FER: variants seen among roughly 807,000 people sequenced by gnomAD.
FER encodes the protein FER tyrosine kinase, also known as tyrosine-protein kinase Fer.
Under a neutral mutation model 111.0 loss-of-function variants are expected in FER, and 63 were observed. The ratio of observed to expected loss-of-function variants is 0.57; its 90% CI spans 0.46 to 0.70. FER has a LOEUF of 0.70. FER is among the 30% of genes least tolerant of loss of function. FER has a pLI of 0.00. For synonymous variants in FER, 327 were observed against 313.9 expected (o/e 1.04, Z -0.44); for missense variants, 914 against 954.0 (o/e 0.96, Z 0.55).
chr5:109,041,355 G>A (rs1771152305), intron 14 of FER, among the ~76,000 whole-genome samples: 1 of 152,022 alleles, frequency 6.6e-6, no homozygotes, highest in African/African-American at 2.4e-5. Context: ...GTGGAACACA[G>A]AAGGAGGAGA....
At chr5:109,173,951 A>G (rs2126814429) in intron 17 of FER, among the ~76,000 whole-genome samples, 1 of 152,236 alleles carries the variant, frequency 6.6e-6, no homozygotes, top group South Asian at 2.1e-4. Context: ...CTCACTCTAC[A>G]TCAGTTGATA....
At chr5:109,048,917 A>G (rs1220425873) in intron 16 of FER, among the ~76,000 whole-genome samples, 1 of 151,904 alleles carries the variant, frequency 6.6e-6, no homozygotes, top group Non-Finnish European at 1.5e-5. Context: ...TTTTTTGGTA[A>G]TGGCTACAGA....
chr5:108,901,813 T>C (rs1269928407), intron 10 of FER, among the ~76,000 whole-genome samples: 1 of 152,080 alleles, frequency 6.6e-6, no homozygotes, highest in East Asian at 1.9e-4. Flanking sequence ...TAGTCGGGTG[T>C]GGTGGCACAT....
intron 16 of FER, among the ~76,000 whole-genome samples, chr5:109,098,382 G>A (rs937363730): frequency 1.3e-5 from 2 of 151,590 alleles, no homozygotes; most frequent in African/African-American, 4.8e-5. Flanking sequence ...GTGCTAACTG[G>A]AAAAAAAGTA....
chr5:108,873,789 T>C (rs1168494973), intron 8 of FER, among the ~76,000 whole-genome samples: 2 of 152,144 alleles, frequency 1.3e-5, no homozygotes, highest in Non-Finnish European at 2.9e-5. Flanking sequence ...ACATTAGCCG[T>C]AGATGCTGCT....
chr5:108,966,816 C>T (rs915004907), intron 13 of FER, among the ~76,000 whole-genome samples: 2 of 152,096 alleles, frequency 1.3e-5, no homozygotes, highest in African/African-American at 4.8e-5. Context: ...TAATTCTCCC[C>T]TCCCCCATTT....
intron 3 of FER, among the ~76,000 whole-genome samples, chr5:108,819,179 C>CA (rs1554071399): frequency 1.6e-5 from 2 of 127,234 alleles, no homozygotes; most frequent in Non-Finnish European, 3.3e-5. Context: ...CCATGCTCAG[C>CA]TTTTTTTTTT....
intron 16 of FER, among the ~76,000 whole-genome samples, chr5:109,066,439 T>C (rs4957796): frequency 0.16 from 23,813 of 152,198 alleles, 2,051 homozygotes; most frequent in Non-Finnish European, 0.18. Flanking sequence ...TTATAAATAT[T>C]ACATCATTGA....
At chr5:108,778,526 A>G (rs1282050900) in intron 2 of FER, among the ~76,000 whole-genome samples, 1 of 152,190 alleles carries the variant, frequency 6.6e-6, no homozygotes, top group Non-Finnish European at 1.5e-5. Flanking sequence ...GGCTGTTCTG[A>G]TAAATGTGAG....
At chr5:109,022,536 A>G (rs923787016) in intron 13 of FER, among the ~76,000 whole-genome samples, 2 of 152,108 alleles carry the variant, frequency 1.3e-5, no homozygotes, top group African/African-American at 4.8e-5. Flanking sequence ...AGAAGATGTC[A>G]CATTTAATGA....
intron 2 of FER, among the ~76,000 whole-genome samples, chr5:108,769,107 G>A (rs539436108): frequency 3.3e-5 from 5 of 152,206 alleles, no homozygotes; most frequent in African/African-American, 7.2e-5. Context: ...GATTACAGGC[G>A]TGAGCTACTG....
chr5:108,782,315 T>G (rs1452845750), intron 2 of FER, among the ~76,000 whole-genome samples: 2 of 152,062 alleles, frequency 1.3e-5, no homozygotes, highest in Non-Finnish European at 2.9e-5. Context: ...AGATGAAATT[T>G]TGCTATGTTG....
intron 2 of FER, among the ~76,000 whole-genome samples, chr5:108,790,016 C>G (rs1231254085): frequency 6.6e-6 from 1 of 152,110 alleles, no homozygotes. Flanking sequence ...ATATCAGATA[C>G]AGTTTTTTTT....
chr5:108,795,885 T>C (rs1209965648), intron 2 of FER, among the ~76,000 whole-genome samples: 3 of 152,230 alleles, frequency 2.0e-5, no homozygotes, highest in African/African-American at 7.2e-5. Flanking sequence ...ATTTAGTTTG[T>C]GTATGGAGAT....
intron 2 of FER, among the ~76,000 whole-genome samples, chr5:108,774,128 C>A (rs919575282): frequency 3.3e-5 from 5 of 152,004 alleles, no homozygotes; most frequent in Admixed American, 2.0e-4. Context: ...GTTCACCTCC[C>A]ACTTATGAGT....
intron 6 of FER, among the ~76,000 whole-genome samples, chr5:108,869,249 A>G (rs1364586861): frequency 6.6e-6 from 1 of 152,138 alleles, no homozygotes; most frequent in Non-Finnish European, 1.5e-5. Context: ...TAGGAAGTAC[A>G]GGTTATATCC....
intron 10 of FER, among the ~76,000 whole-genome samples, chr5:108,937,368 C>T (rs77123324): frequency 0.12 from 18,929 of 151,958 alleles, 1,234 homozygotes; most frequent in Middle Eastern, 0.17. Context: ...TTATCTACCT[C>T]TTGCGACATC....
At chr5:108,840,125 A>G (rs1761107868) in intron 5 of FER, among the ~76,000 whole-genome samples, 1 of 152,224 alleles carries the variant, frequency 6.6e-6, no homozygotes, top group Non-Finnish European at 1.5e-5. Flanking sequence ...TGTATGTTTC[A>G]GGCGTCATAT....
chr5:108,780,074 A>G (rs1238128734), intron 2 of FER, among the ~76,000 whole-genome samples: 1 of 152,224 alleles, frequency 6.6e-6, no homozygotes, highest in Non-Finnish European at 1.5e-5. Flanking sequence ...ACACATAAGC[A>G]TACATAATCA....
Sources: allele counts gnomAD v4.1 joint callset (sites outside exome capture counted in the v4.1 genomes callset), GRCh38; gene constraint gnomAD v4.1.1; transcripts MANE v1.5; gene names NCBI Gene and HGNC (gene_info 2026-07-23, HGNC 2026-07-21).